The following DACH2 variants were observed in gnomAD, a reference collection of about 807,000 sequenced individuals.
DACH2 encodes the protein dachshund family transcription factor 2, also known as dachshund homolog 2.
A neutral mutation model predicts 35.8 loss-of-function variants in DACH2; 17 were observed. The observed-to-expected ratio is 0.48, with a 90% CI of 0.33 to 0.71. The LOEUF (loss-of-function observed/expected upper bound fraction) is 0.71, where lower values mean the gene tolerates loss of function less well. DACH2 is among the 30% of genes least tolerant of loss of function. The pLI is 0.02. For missense variants in DACH2, 469 were observed against 472.7 expected (o/e 0.99, Z 0.07); for synonymous variants, 195 against 177.3 (o/e 1.10, Z -0.79).
At chrX:86,611,652 G>A (rs1046747546) in intron 3 of DACH2, among the ~76,000 whole-genome samples, 1 of 111,240 alleles carries the variant, frequency 9.0e-6, no homozygotes, top group Admixed American at 9.5e-5. Flanking sequence ...TCTGTAGGCA[G>A]GCATCAGTTG....
At chrX:86,154,279 T>C (rs2147857280) in intron 1 of DACH2, among the ~76,000 whole-genome samples, 1 of 111,536 alleles carries the variant, frequency 9.0e-6, no homozygotes, top group Admixed American at 9.6e-5. Context: ...CTCTATACAT[T>C]TTAAATATGT....
At chrX:86,344,081 T>A (rs866574950) in intron 1 of DACH2, among the ~76,000 whole-genome samples, 4 of 110,779 alleles carry the variant, frequency 3.6e-5, no homozygotes, top group African/African-American at 1.3e-4. Flanking sequence ...TGTTTGTAAC[T>A]CAAAGAATAA....
chrX:86,776,907 G>T (rs2042038677), intron 7 of DACH2, among the ~76,000 whole-genome samples: 1 of 111,840 alleles, frequency 8.9e-6, no homozygotes, highest in Non-Finnish European at 1.9e-5. Context: ...TCCCGACAAA[G>T]GATATGAACT....
chrX:86,675,747 G>A (rs767830188), intron 4 of DACH2, among the ~76,000 whole-genome samples: 16 of 108,856 alleles, frequency 1.5e-4, no homozygotes, highest in Non-Finnish European at 3.1e-4. Context: ...GAAATTAAGA[G>A]TTTTTTTTTC....
intron 3 of DACH2, among the ~76,000 whole-genome samples, chrX:86,583,965 C>T (rs1465055051): frequency 2.7e-5 from 3 of 110,972 alleles, no homozygotes; most frequent in African/African-American, 9.8e-5. Context: ...GTGTTCTCTT[C>T]TCTTCTATTT....
intron 3 of DACH2, among the ~76,000 whole-genome samples, chrX:86,629,354 A>C (rs17325480): frequency 0.12 from 13,405 of 110,767 alleles, 715 homozygotes; most frequent in East Asian, 0.32. Flanking sequence ...GTGGCAAGTC[A>C]GGGCTGGAAA....
intron 1 of DACH2, among the ~76,000 whole-genome samples, chrX:86,286,608 T>C (rs1019296908): frequency 4.5e-5 from 5 of 111,202 alleles, no homozygotes; most frequent in South Asian, 3.8e-4. Context: ...GCTTTATATA[T>C]ATATTTTGGA....
chrX:86,236,236 T>C (rs2033054890), intron 1 of DACH2, among the ~76,000 whole-genome samples: 1 of 112,495 alleles, frequency 8.9e-6, no homozygotes, highest in Non-Finnish European at 1.9e-5. Context: ...TGTTTGACTT[T>C]CCCACTGGAT....
At chrX:86,626,979 C>A in intron 3 of DACH2, among the ~76,000 whole-genome samples, 1 of 112,584 alleles carries the variant, frequency 8.9e-6, no homozygotes, top group South Asian at 3.7e-4. Flanking sequence ...TGCAAATTTC[C>A]GCAGCTGGCT....
rs146240186 is a variant in DACH2 at position 86,278,083 on chromosome X, G to T, written c.489-98741G>T. On this transcript the variant is annotated intron_variant, in intron 1 of 11. Coordinates refer to ENST00000373125, the MANE Select transcript of DACH2 (RefSeq NM_053281.3). ...CAAAGCCAAACTTGCACCCAAAAAA[G>T]GTCATATGGTTACTCTTTGGTGGTC... Among the ~76,000 whole-genome samples the T allele has an allele frequency of 1.6e-3, 174 of 111,220 alleles. 2 individuals carry two copies. The East Asian group carries it at 0.032, about 20-fold the overall frequency.
chrX:86,307,552 G>C (rs1030234070), intron 1 of DACH2, among the ~76,000 whole-genome samples: 2 of 111,375 alleles, frequency 1.8e-5, no homozygotes, highest in African/African-American at 6.5e-5. Context: ...GACCCATGCT[G>C]CCATCAGCCT....
At chrX:86,715,180 C>T (rs2148460591) in intron 6 of DACH2, among the ~76,000 whole-genome samples, 1 of 111,337 alleles carries the variant, frequency 9.0e-6, no homozygotes, top group African/African-American at 3.3e-5. Flanking sequence ...GACAGCCCTC[C>T]TGAACATGTT....
At chrX:86,518,204 AT>A (rs1438321285) in intron 3 of DACH2, among the ~76,000 whole-genome samples, 1 of 111,884 alleles carries the variant, frequency 8.9e-6, no homozygotes, top group Non-Finnish European at 1.9e-5. Flanking sequence ...TCAGGTGGTC[AT>A]AGATGCATAG....
chrX:86,149,954 G>A (rs757462635), intron 1 of DACH2, among the ~76,000 whole-genome samples: 18 of 111,572 alleles, frequency 1.6e-4, no homozygotes, highest in Non-Finnish European at 2.8e-4. Context: ...ACAGTTGGAA[G>A]GATCCCATTC....
intron 1 of DACH2, among the ~76,000 whole-genome samples, chrX:86,158,315 T>G (rs2030625743): frequency 9.0e-6 from 1 of 111,176 alleles, no homozygotes; most frequent in African/African-American, 3.3e-5. Flanking sequence ...GTGTGTTTTG[T>G]TTTTGTTTTT....
chrX:86,809,444 A>G (rs772380061), intron 7 of DACH2, among the ~76,000 whole-genome samples: 1 of 111,240 alleles, frequency 9.0e-6, no homozygotes, highest in African/African-American at 3.3e-5. Context: ...ATGTAAAAAT[A>G]TATTACAAGA....
intron 2 of DACH2, among the ~76,000 whole-genome samples, chrX:86,499,714 T>G (rs1446362875): frequency 8.9e-6 from 1 of 112,087 alleles, no homozygotes; most frequent in Admixed American, 9.5e-5. Context: ...ATGTCTTCCT[T>G]CATGATTTTT....
At chrX:86,398,132 G>A (rs1199756865) in intron 2 of DACH2, among the ~76,000 whole-genome samples, 3 of 111,300 alleles carry the variant, frequency 2.7e-5, no homozygotes, top group Admixed American at 1.9e-4. Flanking sequence ...TGTATGTGTC[G>A]AGGAATTTAT....
chrX:86,355,917 T>C (rs1049558344), intron 1 of DACH2, among the ~76,000 whole-genome samples: 5 of 111,488 alleles, frequency 4.5e-5, no homozygotes, highest in Non-Finnish European at 7.5e-5. Context: ...AAGTTCCTTA[T>C]AGATTCTAAA....
Sources: allele counts gnomAD v4.1 joint callset (sites outside exome capture counted in the v4.1 genomes callset), GRCh38; gene constraint gnomAD v4.1.1; transcripts MANE v1.5; gene names NCBI Gene and HGNC (gene_info 2026-07-23, HGNC 2026-07-21).